NGLY1: variants seen among roughly 807,000 people sequenced by gnomAD.
The protein encoded by NGLY1 is N-glycanase 1.
In NGLY1, 68 loss-of-function variants were observed where a neutral mutation model predicts 84.6. The ratio of observed to expected loss-of-function variants is 0.80; its 90% CI spans 0.66 to 0.98. The LOEUF (loss-of-function observed/expected upper bound fraction) is 0.98, where lower values mean the gene tolerates loss of function less well. NGLY1 is among the 50% of genes least tolerant of loss of function. The pLI is 0.00. For missense variants in NGLY1, 779 were observed against 770.2 expected (o/e 1.01, Z -0.14); for synonymous variants, 280 against 275.2 (o/e 1.02, Z -0.17).
At chr3:25,771,999 A>C (rs980953669) in intron 2 of NGLY1, among the ~76,000 whole-genome samples, 3 of 152,100 alleles carry the variant, frequency 2.0e-5, no homozygotes, top group African/African-American at 7.2e-5. Context: ...ATTCCTCTTT[A>C]CCAATTTTGA....
chr3:25,741,506 G>A (rs528136420), intron 4 of NGLY1, among the ~76,000 whole-genome samples: 23 of 151,918 alleles, frequency 1.5e-4, no homozygotes, highest in African/African-American at 5.3e-4. Context: ...TAAAATAATA[G>A]AAGTTTATAG....
intron 2 of NGLY1, among the ~76,000 whole-genome samples, chr3:25,774,852 G>C (rs1441439586): frequency 6.6e-6 from 1 of 152,148 alleles, no homozygotes; most frequent in African/African-American, 2.4e-5. Flanking sequence ...TTCGTGTTCA[G>C]CTGCAAGTTT....
rs967932394 is a variant in NGLY1 at position 25,754,993 on chromosome 3, G to A, written c.493-3730C>T. 5.3e-5 allele frequency: 44 copies of A among 826,652 alleles called. No individual in the cohort carries two copies. In the Middle Eastern group the frequency reaches 6.8e-4, roughly 13 times the overall value. 51.2% of individuals were successfully genotyped at this position (826,652 alleles called of 1,614,324 possible). On this transcript the variant is annotated intron_variant, in intron 3 of 11. Coordinates refer to ENST00000280700, the MANE Select transcript of NGLY1 (RefSeq NM_018297.4). Reference sequence around the variant, plus strand: ...ATGCCTTGGTGATGGCACAGATCTCGAAGGATATGGGAATCACAGACTACA... The same window carrying A: ...ATGCCTTGGTGATGGCACAGATCTCAAAGGATATGGGAATCACAGACTACA...
At chr3:25,765,494 A>C (rs990844742) in intron 2 of NGLY1, among the ~76,000 whole-genome samples, 10 of 151,892 alleles carry the variant, frequency 6.6e-5, no homozygotes, top group Non-Finnish European at 1.5e-4. Flanking sequence ...TCTGTAGTAC[A>C]CAGACCTGCA....
chr3:25,759,905 T>C (rs1707221608), intron 3 of NGLY1, among the ~76,000 whole-genome samples: 1 of 122,730 alleles, frequency 8.1e-6, no homozygotes, highest in African/African-American at 2.8e-5. Flanking sequence ...AATTCACTTC[T>C]TTAGTTAAAA....
intron 1 of NGLY1, among the ~76,000 whole-genome samples, chr3:25,782,074 T>C (rs1024680827): frequency 6.6e-6 from 1 of 152,252 alleles, no homozygotes; most frequent in Non-Finnish European, 1.5e-5. Flanking sequence ...GTCACAATTA[T>C]GTAGCTGTGA....
At chr3:25,725,401 A>G (rs944041472) in intron 10 of NGLY1, among the ~76,000 whole-genome samples, 4 of 152,172 alleles carry the variant, frequency 2.6e-5, no homozygotes, top group African/African-American at 9.7e-5. Flanking sequence ...ATTCTTTATA[A>G]TAAACCAGTA....
chr3:25,769,067 T>C (rs1707767761), intron 2 of NGLY1, among the ~76,000 whole-genome samples: 1 of 151,840 alleles, frequency 6.6e-6, no homozygotes. Flanking sequence ...CATTTAAAAA[T>C]GAGCAAAAGA....
chr3:25,764,234 C>T lies in NGLY1; in HGVS notation c.324G>A (p.Glu108=). The change falls in exon 3 of 12, where the codon GAG becomes GAA. Residue 108 remains glutamate (E), a synonymous_variant. Coordinates refer to ENST00000280700, the MANE Select transcript of NGLY1 (RefSeq NM_018297.4). ...LQKIRDLIAI[E]RSSRLDGSNK... Reference sequence around the variant, plus strand: ...TTGAGCCATCCAGTCTGCTACTTCTCTCTATGGCAATCAGGTCACGAATTT... The same window carrying T: ...TTGAGCCATCCAGTCTGCTACTTCTTTCTATGGCAATCAGGTCACGAATTT... 1 of 1,614,126 alleles carries T rather than the reference C, an allele frequency of 6.2e-7. No homozygotes were observed. The highest frequency in any genetic ancestry group is 8.5e-7 in the Non-Finnish European group (1 of 1,180,022).
At chr3:25,774,136 T>C (rs62236884) in intron 2 of NGLY1, among the ~76,000 whole-genome samples, 31 of 152,216 alleles carry the variant, frequency 2.0e-4, no homozygotes, top group Non-Finnish European at 3.2e-4. Flanking sequence ...ACTCAAGACC[T>C]CTGGTTAGCC....
upstream of NGLY1, among the ~76,000 whole-genome samples, chr3:25,785,574 C>G (rs1708585413): frequency 6.6e-6 from 1 of 150,826 alleles, no homozygotes; most frequent in Non-Finnish European, 1.5e-5. Context: ...TGGCTCACGC[C>G]TGTAATCCCA....
At chr3:25,768,804 A>C (rs1298158069) in intron 2 of NGLY1, among the ~76,000 whole-genome samples, 1 of 151,794 alleles carries the variant, frequency 6.6e-6, no homozygotes, top group Non-Finnish European at 1.5e-5. Context: ...GGCCTCCCAA[A>C]GTGCTGGGAT....
At chr3:25,749,729 A>C (rs772641121) in intron 4 of NGLY1, 49 of 1,579,906 alleles carry the variant, frequency 3.1e-5, no homozygotes, top group Non-Finnish European at 4.1e-5. Flanking sequence ...CCTGGTCCAC[A>C]ACGTCAAGGA....
At chr3:25,737,300 C>A in intron 6 of NGLY1, 34 bp downstream of exon 6, 1 of 1,551,088 alleles carries the variant, frequency 6.4e-7, no homozygotes, top group South Asian at 1.2e-5. Flanking sequence ...GCCTGCAAAG[C>A]CCTACTACCC....
rs754083716 is a variant in NGLY1 at position 25,739,741 on chromosome 3, T to G, written c.717A>C (p.Glu239Asp). The G allele has an allele frequency of 1.5e-5, 25 of 1,614,010 alleles. No individual in the cohort carries two copies. In the Admixed American group the frequency reaches 3.2e-4, roughly 20 times the overall value. ...CGTTATTCACCCAGTGAAAAAATTCTTCCTTAAACCAGTGCAAAAGCTCCA... is the reference window on the plus strand; with the variant it reads ...CGTTATTCACCCAGTGAAAAAATTCGTCCTTAAACCAGTGCAAAAGCTCCA... ...LLLELLHWFK[E>D]EFFHWVNNVL... is the part of the protein sequence containing the mutation. The change falls in exon 5 of 12, where the codon GAA (glutamate) becomes GAC (aspartate). Residue 239 changes from glutamate to aspartate, a missense_variant. Glu to Asp is a conservative substitution (Grantham distance 45). Transcript: ENST00000280700.
intron 7 of NGLY1, chr3:25,735,777 G>C (rs777658787): frequency 2.4e-5 from 9 of 374,550 alleles, no homozygotes; most frequent in East Asian, 4.6e-5. Flanking sequence ...AAAAAACTGG[G>C]AACTACCCAA....
chr3:25,770,743 T>C (rs1707852759), intron 2 of NGLY1, among the ~76,000 whole-genome samples: 1 of 152,242 alleles, frequency 6.6e-6, no homozygotes, highest in South Asian at 2.1e-4. Context: ...TCTTTAATTA[T>C]GGCCATTCTT....
upstream of NGLY1, chr3:25,783,513 C>CG (rs568950106): frequency 9.9e-7 from 1 of 1,013,774 alleles, no homozygotes; most frequent in African/African-American, 1.9e-5. This position sits in a 1 kb window ranked among gnomAD's most constrained non-coding sequence, Gnocchi z 4.5. Flanking sequence ...CCGGCAGGGG[C>CG]GGGGTCCTCG....
intron 3 of NGLY1, among the ~76,000 whole-genome samples, chr3:25,754,306 A>G (rs1706918163): frequency 6.6e-6 from 1 of 152,208 alleles, no homozygotes; most frequent in African/African-American, 2.4e-5. Flanking sequence ...GCACAATAGG[A>G]AGGATGAGAA....
Sources: allele counts gnomAD v4.1 joint callset (sites outside exome capture counted in the v4.1 genomes callset), GRCh38; gene constraint gnomAD v4.1.1; non-coding constraint Gnocchi (gnomAD v3.1); transcripts MANE v1.5; gene names NCBI Gene and HGNC (gene_info 2026-07-23, HGNC 2026-07-21).